The following PKN2 variants were observed in gnomAD, a reference collection of about 807,000 sequenced individuals.
The protein encoded by PKN2 is serine/threonine-protein kinase N2.
Under a neutral mutation model 119.1 loss-of-function variants are expected in PKN2, and 38 were observed. The ratio of observed to expected loss-of-function variants is 0.32; its 90% CI spans 0.25 to 0.42. The LOEUF (loss-of-function observed/expected upper bound fraction) is 0.42. PKN2 is among the 10% of genes least tolerant of loss of function. The probability of loss-of-function intolerance (pLI) is 1.00; values close to 1 mark genes in which losing one functional copy is unlikely to be tolerated. For synonymous variants in PKN2, 390 were observed against 384.9 expected (o/e 1.01, Z -0.15); for missense variants, 850 against 1,165.1 (o/e 0.73, Z 3.94).
At chr1:88,687,060 T>G (rs1666131095) in intron 1 of PKN2, among the ~76,000 whole-genome samples, 1 of 152,142 alleles carries the variant, frequency 6.6e-6, no homozygotes, top group Non-Finnish European at 1.5e-5. Context: ...AAATTGATAT[T>G]TATTTAGAAA....
intron 10 of PKN2, among the ~76,000 whole-genome samples, chr1:88,805,282 GA>G (rs1377788499): frequency 6.7e-6 from 1 of 150,016 alleles, no homozygotes; most frequent in East Asian, 1.9e-4. Flanking sequence ...GACTTAAAGA[GA>G]AAAAAACAAT....
intron 6 of PKN2, among the ~76,000 whole-genome samples, chr1:88,782,070 A>C (rs1670369258): frequency 6.6e-6 from 1 of 152,136 alleles, no homozygotes; most frequent in African/African-American, 2.4e-5. Context: ...CACCATCATC[A>C]GTAATCCAGT....
intron 2 of PKN2, among the ~76,000 whole-genome samples, chr1:88,743,756 A>G (rs1668662021): frequency 6.6e-6 from 1 of 152,214 alleles, no homozygotes; most frequent in African/African-American, 2.4e-5. Context: ...ATCGCATCTT[A>G]TATTAGTCTT....
intron 4 of PKN2, among the ~76,000 whole-genome samples, chr1:88,771,073 TTTC>T (rs1385609147): frequency 6.6e-6 from 1 of 152,150 alleles, no homozygotes; most frequent in East Asian, 1.9e-4. Flanking sequence ...ATGGCTTTGT[TTTC>T]TTTTGTTTTT....
chr1:88,698,541 A>C (rs1343154389), intron 1 of PKN2, among the ~76,000 whole-genome samples: 1 of 152,232 alleles, frequency 6.6e-6, no homozygotes, highest in Non-Finnish European at 1.5e-5. Context: ...AGAGGCATCA[A>C]AGACAGTATT....
At chr1:88,692,095 A>G (rs1397699173) in intron 1 of PKN2, among the ~76,000 whole-genome samples, 1 of 152,054 alleles carries the variant, frequency 6.6e-6, no homozygotes, top group Admixed American at 6.6e-5. Flanking sequence ...TTTGTATAGA[A>G]TTGTGAATAT....
chr1:88,739,062 A>G (rs1036801021), intron 1 of PKN2, among the ~76,000 whole-genome samples: 2 of 152,220 alleles, frequency 1.3e-5, no homozygotes, highest in Admixed American at 1.3e-4. Context: ...AACTTCTAAC[A>G]GGTGTAGATT....
rs1354985553 is a variant in PKN2, at chr1:88,784,683, A to C, written c.1030A>C (p.Asn344His). The change falls in exon 7 of 22, where the codon AAT (asparagine) becomes CAT (histidine). Residue 344 changes from asparagine (N) to histidine (H), a missense_variant. By Grantham distance (68) the Asn-to-His change is moderately conservative. This residue lies in a region of PKN2 where 350 missense variants were observed against 511.1 expected (regional missense o/e 0.68). Coordinates refer to ENST00000370521, the MANE Select transcript of PKN2 (RefSeq NM_006256.4). Reference sequence around the variant, plus strand: ...TATGGGCTGCCAAGATATCCTAGAGAATGTCCCTGGACGGTCAAAAGCAAC... The same window carrying C: ...TATGGGCTGCCAAGATATCCTAGAGCATGTCCCTGGACGGTCAAAAGCAAC... ...RLMGCQDILE[N>H]VPGRSKATSV... 1 of 1,604,794 alleles carries C rather than the reference A, an allele frequency of 6.2e-7. No homozygotes were observed. Among genetic ancestry groups the C allele is most frequent in the South Asian group, 1.1e-5 (1 of 89,344 alleles).
At chr1:88,798,070 A>G (rs1233296487) in intron 8 of PKN2, among the ~76,000 whole-genome samples, 1 of 152,112 alleles carries the variant, frequency 6.6e-6, no homozygotes, top group Non-Finnish European at 1.5e-5. Flanking sequence ...CCTTCCATAA[A>G]GGACCCTAAG....
At chr1:88,719,987 A>G (rs1570527454) in intron 1 of PKN2, among the ~76,000 whole-genome samples, 1 of 152,140 alleles carries the variant, frequency 6.6e-6, no homozygotes, top group African/African-American at 2.4e-5. Flanking sequence ...GTAGTAAGTG[A>G]TAGAGCTGGG....
intron 3 of PKN2, among the ~76,000 whole-genome samples, chr1:88,769,262 ATTT>A (rs1273744365): frequency 6.6e-6 from 1 of 152,130 alleles, no homozygotes; most frequent in African/African-American, 2.4e-5. Context: ...AGAAGGTCTC[ATTT>A]TTTGACATTA....
At chr1:88,735,602 A>ACCCCCCCCCCC (rs75497861) in intron 1 of PKN2, among the ~76,000 whole-genome samples, 1 of 51,510 alleles carries the variant, frequency 1.9e-5, no homozygotes, top group Non-Finnish European at 3.9e-5. Flanking sequence ...TTGACAGCCC[A>ACCCCCCCCCCC]CCCCCCCCCC....
rs1406378056 is a variant in PKN2, at chr1:88,807,541, G to T, written c.1947G>T (p.Arg649Ser). The change falls in exon 14 of 22, where the codon AGG (arginine) becomes AGT (serine). Residue 649 changes from arginine to serine, a missense_variant. Coordinates refer to ENST00000370521, the MANE Select transcript of PKN2 (RefSeq NM_006256.4). The part of the protein sequence containing the change: ...QELEDRRSQQ[R>S]FQFNLQDFRC... ...TTTCTCTTTTCAGATCTCAGCAAAGGTTTCAGTTTAATCTACAAGATTTCA... is the reference window on the plus strand; with the variant it reads ...TTTCTCTTTTCAGATCTCAGCAAAGTTTTCAGTTTAATCTACAAGATTTCA... 1 of 1,611,960 alleles carries T rather than the reference G, an allele frequency of 6.2e-7. No homozygotes were observed. The highest frequency in any genetic ancestry group is 8.5e-7 in the Non-Finnish European group (1 of 1,178,568).
At chr1:88,806,563 GC>G (rs1049876222) in intron 12 of PKN2, among the ~76,000 whole-genome samples, 1 of 152,164 alleles carries the variant, frequency 6.6e-6, no homozygotes, top group African/African-American at 2.4e-5. Context: ...ATTGTCATTA[GC>G]CTCTGGATGC....
chr1:88,808,521 G>T (rs2100883632), intron 15 of PKN2, among the ~76,000 whole-genome samples: 1 of 152,088 alleles, frequency 6.6e-6, no homozygotes, highest in South Asian at 2.1e-4. Context: ...AGCCAGGATG[G>T]TCTCGATCTC....
chr1:88,700,448 A>G (rs972676276), intron 1 of PKN2, among the ~76,000 whole-genome samples: 1 of 152,126 alleles, frequency 6.6e-6, no homozygotes, highest in African/African-American at 2.4e-5. Context: ...TACCTGACCT[A>G]CTTCGTTTGA....
At chr1:88,703,327 G>A (rs976028515) in intron 1 of PKN2, among the ~76,000 whole-genome samples, 5 of 152,094 alleles carry the variant, frequency 3.3e-5, no homozygotes, top group African/African-American at 7.2e-5. Flanking sequence ...GTTTTATGAT[G>A]TAAAGCACGA....
chr1:88,820,159 C>G (rs1316833232), intron 16 of PKN2, among the ~76,000 whole-genome samples: 3 of 119,806 alleles, frequency 2.5e-5, no homozygotes. Context: ...GTAAATAAAT[C>G]AAACAAATCT....
At chr1:88,749,752 TATAGG>T (rs557821191) in intron 2 of PKN2, among the ~76,000 whole-genome samples, 97 of 152,334 alleles carry the variant, frequency 6.4e-4, no homozygotes, top group African/African-American at 2.3e-3. Context: ...CTTAGAGACT[TATAGG>T]AAGAAGTATG....
Sources: allele counts gnomAD v4.1 joint callset (sites outside exome capture counted in the v4.1 genomes callset), GRCh38; gene constraint gnomAD v4.1.1; regional missense constraint gnomAD v4.1.1; transcripts MANE v1.5; gene names NCBI Gene and HGNC (gene_info 2026-07-23, HGNC 2026-07-21).